Variants in SCHIP1 observed in about 807,000 individuals in gnomAD.
SCHIP1 encodes schwannomin interacting protein 1.
In SCHIP1, 8 loss-of-function variants were observed where a neutral mutation model predicts 29.7. The observed-to-expected ratio is 0.27, with a 90% CI of 0.16 to 0.49. The LOEUF (loss-of-function observed/expected upper bound fraction) is 0.49. SCHIP1 is among the 20% of genes least tolerant of loss of function. The pLI, the probability that SCHIP1 is intolerant of heterozygous loss-of-function variation, is 0.99. For synonymous variants in SCHIP1, 76 were observed against 94.9 expected, an observed-to-expected ratio of 0.80 and a Z score of 1.16; for missense variants, 193 against 294.6, an observed-to-expected ratio of 0.66 and a Z score of 2.52.
At chr3:159,631,178 C>A in the SCHIP1 span, among the ~76,000 whole-genome samples, 2 of 150,652 alleles carry the variant, frequency 1.3e-5, no homozygotes, top group South Asian at 4.2e-4. Context: ...AAAAAAAAAA[C>A]CCAGAAAATA....
the SCHIP1 span, among the ~76,000 whole-genome samples, chr3:159,491,670 C>T: frequency 5.9e-5 from 9 of 152,378 alleles, no homozygotes; most frequent in African/African-American, 1.7e-4. Flanking sequence ...ATAGGCTCCA[C>T]CTCTGGTGGC....
chr3:159,292,968 GATTGTC>G, the SCHIP1 span, among the ~76,000 whole-genome samples: 1 of 152,156 alleles, frequency 6.6e-6, no homozygotes, highest in East Asian at 1.9e-4. Flanking sequence ...TTCTGGAGTT[GATTGTC>G]AATACGGGGC....
At chr3:159,386,304 C>G in the SCHIP1 span, among the ~76,000 whole-genome samples, 5 of 152,008 alleles carry the variant, frequency 3.3e-5, no homozygotes, top group Admixed American at 1.3e-4. Context: ...AATAAAATAC[C>G]TAGGAATACA....
the SCHIP1 span, among the ~76,000 whole-genome samples, chr3:159,593,917 G>T: frequency 6.6e-6 from 1 of 152,240 alleles, no homozygotes; most frequent in Non-Finnish European, 1.5e-5. Context: ...GCTCAGCTAG[G>T]GAGATGTGAT....
chr3:159,335,494 C>A, the SCHIP1 span, among the ~76,000 whole-genome samples: 1 of 151,962 alleles, frequency 6.6e-6, no homozygotes, highest in Admixed American at 6.6e-5. Context: ...CCTCCCCACT[C>A]CCCCCCAGTC....
chr3:159,823,108 A>G, the SCHIP1 span, among the ~76,000 whole-genome samples: 3 of 152,110 alleles, frequency 2.0e-5, no homozygotes, highest in Non-Finnish European at 4.4e-5. Context: ...AGGAGAGTGA[A>G]TAAGGAGGTG....
the SCHIP1 span, among the ~76,000 whole-genome samples, chr3:159,513,833 G>T: frequency 6.6e-6 from 1 of 152,174 alleles, no homozygotes; most frequent in Non-Finnish European, 1.5e-5. Context: ...AGCCTGATCA[G>T]CCTCCCTCTT....
chr3:159,544,391 A>T, the SCHIP1 span, among the ~76,000 whole-genome samples: 1 of 152,074 alleles, frequency 6.6e-6, no homozygotes. Context: ...GGAGAAGTGG[A>T]ACTGCTGAGT....
chr3:159,669,354 G>A, the SCHIP1 span, among the ~76,000 whole-genome samples: 3 of 152,232 alleles, frequency 2.0e-5, no homozygotes, highest in African/African-American at 7.2e-5. Context: ...AATGGATCAT[G>A]ACTGTCGTCA....
the SCHIP1 span, among the ~76,000 whole-genome samples, chr3:159,356,062 T>C: frequency 6.6e-6 from 1 of 152,150 alleles, no homozygotes; most frequent in Admixed American, 6.5e-5. Context: ...CACACTGTCT[T>C]CCACAATGGT....
At chr3:159,717,866 C>A in the SCHIP1 span, among the ~76,000 whole-genome samples, 1 of 152,168 alleles carries the variant, frequency 6.6e-6, no homozygotes, top group South Asian at 2.1e-4. Flanking sequence ...GGGAGTCCTC[C>A]CTAACTCATT....
At chr3:159,273,535 T>C in the SCHIP1 span, 3 of 1,200,236 alleles carry the variant, frequency 2.5e-6, no homozygotes, top group South Asian at 2.6e-5. Context: ...GTGTGTTTTA[T>C]CAATTTGAAG....
At chr3:159,309,237 T>C in the SCHIP1 span, 4 of 209,956 alleles carry the variant, frequency 1.9e-5, no homozygotes, top group Admixed American at 1.3e-4. Flanking sequence ...ATATATGCAA[T>C]AAATAAACAA....
the SCHIP1 span, among the ~76,000 whole-genome samples, chr3:159,458,288 T>C: frequency 9.9e-5 from 15 of 152,058 alleles, no homozygotes; most frequent in African/African-American, 3.6e-4. Context: ...ACCACATACA[T>C]CCCTCTCCTG....
chr3:159,828,959 CA>C, the SCHIP1 span, among the ~76,000 whole-genome samples: 1 of 152,320 alleles, frequency 6.6e-6, no homozygotes, highest in Admixed American at 6.5e-5. Context: ...TTAGCCCTGG[CA>C]AATTTATACT....
chr3:159,818,009 CAGTAGACTGAAGCCT>C, the SCHIP1 span, among the ~76,000 whole-genome samples: 2 of 152,206 alleles, frequency 1.3e-5, no homozygotes, highest in Non-Finnish European at 2.9e-5. Flanking sequence ...TCAGCAGCTG[CAGTAGACTGAAGCCT>C]AGAGGTAGAC....
the SCHIP1 span, chr3:159,764,291 G>C: frequency 2.3e-6 from 2 of 858,846 alleles, no homozygotes; most frequent in Non-Finnish European, 3.4e-6. This position sits in a 1 kb window ranked among gnomAD's most constrained non-coding sequence, Gnocchi z 6.1. Flanking sequence ...CCTCAGGCTG[G>C]TGCTGGCTCC....
At chr3:159,423,400 A>T in the SCHIP1 span, among the ~76,000 whole-genome samples, 1 of 152,174 alleles carries the variant, frequency 6.6e-6, no homozygotes, top group Non-Finnish European at 1.5e-5. Flanking sequence ...ACACCAGGAG[A>T]TTATATCGCA....
chr3:159,724,581 C>T, the SCHIP1 span, among the ~76,000 whole-genome samples: 2 of 152,166 alleles, frequency 1.3e-5, no homozygotes, highest in African/African-American at 4.8e-5. Flanking sequence ...CTCCCTTTTC[C>T]AGTAGTTTTC....
Sources: gnomAD v4.1 joint callset for allele counts (sites outside exome capture counted in the v4.1 genomes callset) on GRCh38, gnomAD v4.1.1 for gene constraint, Gnocchi (gnomAD v3.1) non-coding constraint, MANE v1.5 for transcripts, NCBI Gene and HGNC (gene_info 2026-07-23, HGNC 2026-07-21) for gene names.